MEI1: variants seen among roughly 807,000 people sequenced by gnomAD.
The protein encoded by MEI1 is meiotic double-stranded break formation protein 1, also known as meiosis inhibitor protein 1.
MEI1 carries 103 observed loss-of-function variants against 146.2 expected under a neutral mutation model. The ratio of observed to expected loss-of-function variants is 0.70; its 90% CI spans 0.60 to 0.83. MEI1 has a LOEUF of 0.83. MEI1 is among the 40% of genes least tolerant of loss of function. MEI1 has a pLI of 0.00. For missense variants in MEI1, 1,529 were observed against 1,533.0 expected, an observed-to-expected ratio of 1.00 and a Z score of 0.04; for synonymous variants, 652 against 628.2, an observed-to-expected ratio of 1.04 and a Z score of -0.57.
intron 9 of MEI1, among the ~76,000 whole-genome samples, chr22:41,731,342 A>T (rs1028930008): frequency 6.8e-6 from 1 of 146,994 alleles, no homozygotes; most frequent in African/African-American, 2.5e-5. Context: ...ATGAGCCACC[A>T]CGCCAGGCGA....
chr22:41,724,573 G>A (rs1041541144), intron 7 of MEI1, among the ~76,000 whole-genome samples: 4 of 146,528 alleles, frequency 2.7e-5, no homozygotes, highest in Non-Finnish European at 6.0e-5. Context: ...AGCCAAGACC[G>A]CGCCACTGCA....
intron 17 of MEI1, 119 bp downstream of exon 17, chr22:41,754,165 C>G (rs2073949395): frequency 1.4e-6 from 1 of 723,674 alleles, no homozygotes; most frequent in East Asian, 2.6e-5. Flanking sequence ...CCTGAGGCTG[C>G]CCAGAGGAAT....
intron 20 of MEI1, among the ~76,000 whole-genome samples, chr22:41,771,208 C>T (rs1016660854): frequency 1.3e-5 from 2 of 152,146 alleles, no homozygotes; most frequent in Non-Finnish European, 2.9e-5. Context: ...CTCTTCCCCC[C>T]AGGGGATGAC....
At chr22:41,717,216 G>A (rs567391445) in intron 5 of MEI1, among the ~76,000 whole-genome samples, 8 of 152,182 alleles carry the variant, frequency 5.3e-5, no homozygotes, top group South Asian at 2.1e-4. Flanking sequence ...GGGCTACAGC[G>A]CAGTGGCATG....
intron 7 of MEI1, among the ~76,000 whole-genome samples, chr22:41,726,493 G>A (rs1317263750): frequency 3.3e-5 from 5 of 152,152 alleles, no homozygotes; most frequent in African/African-American, 1.2e-4. Flanking sequence ...GAAGTGTAAT[G>A]AAATTTAACC....
In MEI1 at chr22:41,745,810, C is replaced by T. The variant is rs568290411; in HGVS notation, c.1539-75C>T. ...GACCCTGAGCACAGGCACTCCCCGC[C>T]ACCCCCCAGGAAGCTGTTTGTAACC... On this transcript the variant is annotated intron_variant, in intron 13 of 30. Transcript: ENST00000401548. 2.8e-6 allele frequency: 4 copies of T among 1,451,824 alleles called. No homozygotes were observed. In the East Asian group the frequency reaches 7.1e-5, roughly 26 times the overall value. 89.9% of individuals were successfully genotyped at this position (1,451,824 alleles called of 1,614,324 possible).
rs2076341459 is a variant in MEI1 at position 41,795,907 on chromosome 22, T to C, written c.3779+60T>C. The stretch of plus-strand genomic sequence containing the variant: ...CAAATCACTGGGTGTTTGGGGCTTC[T>C]CTTCCTGGGCCAGTTTATGCGGTAC... On this transcript the variant is annotated intron_variant, in intron 30 of 30. Coordinates refer to ENST00000401548, the MANE Select transcript of MEI1 (RefSeq NM_152513.4). This position sits in a 1 kb window ranked among gnomAD's most constrained non-coding sequence, Gnocchi z 4.2. 1.9e-6 allele frequency: 3 copies of C among 1,612,374 alleles called. No homozygotes were observed. Among genetic ancestry groups the C allele is most frequent in the Admixed American group, 3.3e-5 (2 of 59,888 alleles).
At chr22:41,778,021 T>C (rs751558092) in intron 21 of MEI1, among the ~76,000 whole-genome samples, 1 of 150,898 alleles carries the variant, frequency 6.6e-6, no homozygotes, top group Non-Finnish European at 1.5e-5. Context: ...TCTCCTCCTT[T>C]CTTCCTTCTC....
Position 41,745,069 on chromosome 22 carries a change from G to T in MEI1, c.1538+5G>T. 1 of 1,531,448 alleles carries T rather than the reference G, an allele frequency of 6.5e-7. No individual in the cohort carries two copies. Among genetic ancestry groups the T allele is most frequent in the Non-Finnish European group, 8.8e-7 (1 of 1,136,698 alleles). 94.9% of individuals were successfully genotyped at this position (1,531,448 alleles called of 1,614,324 possible). The stretch of plus-strand genomic sequence containing the variant: ...GGGATTTAGAAGTGCCTGCAGGTGA[G>T]GGGCCCTCTGAGGTATGAAGTAATA... On this transcript the variant is annotated splice_donor_5th_base_variant and intron_variant, in intron 13 of 30. Coordinates refer to ENST00000401548, the MANE Select transcript of MEI1 (RefSeq NM_152513.4).
At chr22:41,732,684 G>A in intron 11 of MEI1, 81 bp downstream of exon 11, 1 of 1,442,374 alleles carries the variant, frequency 6.9e-7, no homozygotes, top group Non-Finnish European at 9.3e-7. Flanking sequence ...GGATATTTAA[G>A]TATCCCTAGA....
At chr22:41,747,070 AC>A (rs1208538059) in intron 14 of MEI1, among the ~76,000 whole-genome samples, 1 of 151,934 alleles carries the variant, frequency 6.6e-6, no homozygotes, top group Non-Finnish European at 1.5e-5. Flanking sequence ...TAATAATAAA[AC>A]AACCAAACTT....
intron 19 of MEI1, among the ~76,000 whole-genome samples, chr22:41,765,419 T>C (rs969890321): frequency 2.0e-5 from 3 of 152,302 alleles, no homozygotes; most frequent in Admixed American, 1.3e-4. Context: ...AGGTCGAGGC[T>C]GCAGTGAGCC....
chr22:41,776,303 G>T (rs562362307), intron 21 of MEI1, 36 bp downstream of exon 21: 1 of 1,609,552 alleles, frequency 6.2e-7, no homozygotes, highest in East Asian at 2.2e-5. Context: ...ACTTTGACCT[G>T]AAAGCCAGTC....
At chr22:41,791,031 T>G (rs2076164147) in intron 26 of MEI1, among the ~76,000 whole-genome samples, 1 of 152,126 alleles carries the variant, frequency 6.6e-6, no homozygotes, top group Non-Finnish European at 1.5e-5. Flanking sequence ...ACAGCATGTA[T>G]AAAATCACAT....
At chr22:41,728,948 G>A (rs900513902) in intron 7 of MEI1, among the ~76,000 whole-genome samples, 3 of 151,812 alleles carry the variant, frequency 2.0e-5, no homozygotes, top group Non-Finnish European at 4.4e-5. Context: ...AGTGGATCAC[G>A]AGGTCAGGAG....
intron 3 of MEI1, among the ~76,000 whole-genome samples, 185 bp from the exon 4 acceptor site, chr22:41,713,817 G>C (rs2069838498): frequency 6.6e-6 from 1 of 152,072 alleles, no homozygotes; most frequent in East Asian, 1.9e-4. Context: ...CAAAGTGCTG[G>C]GATTACAGAT....
intron 11 of MEI1, among the ~76,000 whole-genome samples, chr22:41,742,624 A>G (rs1181279118): frequency 6.6e-6 from 1 of 152,230 alleles, no homozygotes; most frequent in Non-Finnish European, 1.5e-5. Context: ...CAAGGAATGT[A>G]CAAGAAGTTG....
intron 2 of MEI1, among the ~76,000 whole-genome samples, chr22:41,705,297 G>A (rs1018512362): frequency 6.6e-6 from 1 of 151,486 alleles, no homozygotes; most frequent in Non-Finnish European, 1.5e-5. Flanking sequence ...TCAGCCTCCT[G>A]AGTAGCTGGG....
rs778908527 is a variant in MEI1 at position 41,745,045 on chromosome 22, G to T, written c.1519G>T (p.Gly507Ter). ...RGKFLLSTLEGFRSACRLAIE... is the reference protein window; with the variant it reads ...RGKFLLSTLE ...AAAGTTCCTCCTCAGCACTCTGGAG[G>T]GATTTAGAAGTGCCTGCAGGTGAGG... Residue 507 changes from glycine (G) to a stop codon, truncating the protein, a stop_gained, in exon 13 of 31, where the codon GGA becomes TGA. Coordinates refer to ENST00000401548, the MANE Select transcript of MEI1 (RefSeq NM_152513.4). LOFTEE classifies it high-confidence loss of function. The T allele has an allele frequency of 6.4e-7, 1 of 1,557,524 alleles. No homozygotes were observed. The highest frequency in any genetic ancestry group is 2.4e-5 in the East Asian group (1 of 41,994).
Sources: gnomAD v4.1 joint callset for allele counts (sites outside exome capture counted in the v4.1 genomes callset) on GRCh38, gnomAD v4.1.1 for gene constraint, Gnocchi (gnomAD v3.1) non-coding constraint, MANE v1.5 for transcripts, NCBI Gene and HGNC (gene_info 2026-07-23, HGNC 2026-07-21) for gene names.